Variants in DNAH17 observed in about 807,000 individuals in gnomAD.
DNAH17 encodes the protein dynein axonemal heavy chain 17.
A neutral mutation model predicts 485.6 loss-of-function variants in DNAH17; 376 were observed. The ratio of observed to expected loss-of-function variants is 0.77; its 90% confidence interval spans 0.71 to 0.84. The LOEUF is 0.84. DNAH17 is among the 40% of genes least tolerant of loss of function. The pLI is 0.00. For synonymous variants in DNAH17, 3,031 were observed against 2,405.9 expected (o/e 1.26, Z -7.60); for missense variants, 6,370 against 5,839.3 (o/e 1.09, Z -2.96).
chr17:78,543,730 A>C (rs1392614755), intron 17 of DNAH17, 127 bp downstream of exon 17: 1 of 1,438,196 alleles, frequency 7.0e-7, no homozygotes, highest in African/African-American at 1.4e-5. Context: ...CAGCCAGGTC[A>C]CAGACTTCTA....
chr17:78,450,693 T>C lies in DNAH17; in HGVS notation c.10888A>G (p.Ile3630Val), dbSNP rs977823871. ...GAGGCAGCTCTGACCTTCTCCTCGA[T>C]CTCGCTGGCTGTGTGCTTGGTGGTC... ...LETTKHTASE[I>V]EEKVVEAKIT... The change falls in exon 67 of 81, where the codon ATC becomes GTC. Residue 3630 changes from isoleucine (I) to valine (V), a missense_variant. By Grantham distance (29) the Ile-to-Val change is conservative (BLOSUM62 3). Coordinates refer to ENST00000389840, the MANE Select transcript of DNAH17 (RefSeq NM_173628.4). 3.7e-6 allele frequency: 6 copies of C among 1,613,138 alleles called. No individual in the cohort carries two copies. The highest frequency in any genetic ancestry group is 1.7e-4 in the Middle Eastern group (1 of 5,884).
chr17:78,479,209 A>G, intron 50 of DNAH17, 93 bp from the exon 51 acceptor site: 3 of 1,294,886 alleles, frequency 2.3e-6, no homozygotes, highest in East Asian at 4.9e-5. Flanking sequence ...GGACTACGAA[A>G]TGGTGACAAC....
At position 78,505,275 on chromosome 17, in the gene DNAH17, G is replaced by C; in HGVS notation, c.4956+18C>G. On this transcript the variant is annotated intron_variant, in intron 31 of 80. Transcript: ENST00000389840. Reference sequence around the variant, plus strand: ...ACCCTTGTCCTGGGTTCCCTGTGTGGTGTGCGCACACACTCACCTGCCCCG... The same window carrying C: ...ACCCTTGTCCTGGGTTCCCTGTGTGCTGTGCGCACACACTCACCTGCCCCG... 6.2e-7 allele frequency: 1 copy of C among 1,613,722 alleles called. No individual in the cohort carries two copies. The highest frequency in any genetic ancestry group is 8.5e-7 in the Non-Finnish European group (1 of 1,179,760).
chr17:78,530,208 G>T, intron 21 of DNAH17, 135 bp downstream of exon 21: 1 of 1,028,150 alleles, frequency 9.7e-7, no homozygotes, highest in Non-Finnish European at 1.4e-6. Flanking sequence ...TGGGGTAGTT[G>T]GCCTTGAAGC....
At chr17:78,504,752 G>A (rs1441632088) in intron 31 of DNAH17, among the ~76,000 whole-genome samples, 4 of 152,210 alleles carry the variant, frequency 2.6e-5, no homozygotes, top group Non-Finnish European at 4.4e-5. Context: ...GGAAGAGGCT[G>A]TGGAGACCAC....
chr17:78,542,820 T>C (rs1239267279), intron 17 of DNAH17, among the ~76,000 whole-genome samples: 1 of 152,208 alleles, frequency 6.6e-6, no homozygotes, highest in Non-Finnish European at 1.5e-5. Flanking sequence ...CTGTGCACGT[T>C]CAAATGGTCC....
intron 16 of DNAH17, among the ~76,000 whole-genome samples, chr17:78,550,041 GAC>G (rs1312154066): frequency 2.0e-5 from 3 of 152,322 alleles, no homozygotes; most frequent in Admixed American, 2.0e-4. Context: ...CACGTGCAGA[GAC>G]AGACAAGAGA....
At chr17:78,545,822 A>G (rs2091745604) in intron 16 of DNAH17, among the ~76,000 whole-genome samples, 1 of 152,158 alleles carries the variant, frequency 6.6e-6, no homozygotes, top group Admixed American at 6.5e-5. Context: ...ACATTTTAGG[A>G]CAACTATAAT....
At chr17:78,575,906 T>C (rs2092426886) in intron 1 of DNAH17, among the ~76,000 whole-genome samples, 1 of 152,174 alleles carries the variant, frequency 6.6e-6, no homozygotes, top group Admixed American at 6.5e-5. Context: ...AAGTTTCAAA[T>C]AAAGACAGGC....
rs566867378 is a variant in DNAH17 at position 78,458,770 on chromosome 17, T to C, written c.9862-90A>G. 2.3e-3 allele frequency: 2,867 copies of C among 1,274,200 alleles called. 9 individuals carry two copies. Among genetic ancestry groups the C allele is most frequent in the Admixed American group, 3.2e-3 (181 of 56,614 alleles). 78.9% of individuals were successfully genotyped at this position (1,274,200 alleles called of 1,614,324 possible). A position where few individuals can be genotyped will look rare whatever the true frequency, so the allele number is the denominator to read the frequency against. ...CAGCAGGGCTGGGCCCTGTGAGCGC[T>C]GAGCGTGGAAGAGGCTCCCACAAAG... On this transcript the variant is annotated intron_variant, in intron 61 of 80. Coordinates refer to ENST00000389840, the MANE Select transcript of DNAH17 (RefSeq NM_173628.4).
rs779170727 is a variant in DNAH17 at position 78,526,922 on chromosome 17, G to A, written c.3582C>T (p.Ala1194=). The A allele has an allele frequency of 1.3e-6, 2 of 1,585,548 alleles. No homozygotes were observed. Among genetic ancestry groups the A allele is most frequent in the East Asian group, 4.6e-5 (2 of 43,592 alleles). Reference sequence around the variant, plus strand: ...TCCGCCGCAGGATGCTGACCTCGTTGGCCTGGAGTGGTGCCACGGTCAGCT... The same window carrying A: ...TCCGCCGCAGGATGCTGACCTCGTTAGCCTGGAGTGGTGCCACGGTCAGCT... ...QVKLTVAPLQ[A]NEVSILRRKC... is the part of the protein sequence containing the mutation. Residue 1194 remains alanine (A), a synonymous_variant, in exon 23 of 81, where the codon GCC becomes GCT. Coordinates refer to ENST00000389840, the MANE Select transcript of DNAH17 (RefSeq NM_173628.4).
At chr17:78,447,660 A>T (rs78805314) in intron 69 of DNAH17, among the ~76,000 whole-genome samples, 2,026 of 152,176 alleles carry the variant, frequency 0.013, 43 homozygotes, top group African/African-American at 0.043. Flanking sequence ...GCACTGAGGA[A>T]CTCTTATCCT....
chr17:78,451,511 G>T lies in DNAH17; in HGVS notation c.10692C>A (p.Ala3564=). 2 of 1,613,654 alleles carry T rather than the reference G, an allele frequency of 1.2e-6. No homozygotes were observed. The highest frequency in any genetic ancestry group is 1.7e-6 in the Non-Finnish European group (2 of 1,179,724). Residue 3564 remains alanine, a synonymous_variant, in exon 66 of 81, where the codon GCC becomes GCA. Coordinates refer to ENST00000389840, the MANE Select transcript of DNAH17 (RefSeq NM_173628.4). ...CTGGGCGCTCTTTGGCCACCACAGC[G>T]GCCAAGAGTTGGTCCTCGAGTCCAT... is the stretch of plus-strand genomic sequence containing the variant. ...TRDGLEDQLL[A]AVVAKERPDL...
At chr17:78,473,668 CGCTGAGGCTGAG>C (rs142944660) in intron 54 of DNAH17, among the ~76,000 whole-genome samples, 49 of 151,920 alleles carry the variant, frequency 3.2e-4, no homozygotes, top group African/African-American at 1.0e-3. Flanking sequence ...AAAATAGTAC[CGCTGAGGCTGAG>C]GCTGAGGCTG....
intron 66 of DNAH17, 116 bp from the exon 67 acceptor site, chr17:78,450,962 G>A (rs1193118523): frequency 4.5e-6 from 6 of 1,322,620 alleles, no homozygotes; most frequent in African/African-American, 1.5e-5. Context: ...CGGGAGGAAC[G>A]AGCTCAGGTC....
rs375551615 is a variant in DNAH17 at position 78,560,825 on chromosome 17, T to C, written c.1946A>G (p.Asp649Gly). The change falls in exon 13 of 81, where the codon GAC (aspartate) becomes GGC (glycine). Residue 649 changes from aspartate (D) to glycine (G), a missense_variant. Coordinates refer to ENST00000389840, the MANE Select transcript of DNAH17 (RefSeq NM_173628.4). ...CCCCAGGTTAAAGTGGCAGTCCTGG[T>C]CCACGCCCGCCACCCACTGCTGGTA... ...KIYQQWVAGV[D>G]QDCHFNLGQP... 1 of 1,551,640 alleles carries C rather than the reference T, an allele frequency of 6.4e-7. No homozygotes were observed. The highest frequency in any genetic ancestry group is 8.7e-7 in the Non-Finnish European group (1 of 1,147,112).
intron 68 of DNAH17, 23 bp downstream of exon 68, chr17:78,450,231 C>T: frequency 6.2e-7 from 1 of 1,612,640 alleles, no homozygotes; most frequent in Non-Finnish European, 8.5e-7. Context: ...AGGGAGGCAC[C>T]CAGCCCCAGC....
intron 54 of DNAH17, among the ~76,000 whole-genome samples, chr17:78,469,770 A>G (rs1337993790): frequency 2.0e-5 from 3 of 152,386 alleles, no homozygotes; most frequent in African/African-American, 2.4e-5. Flanking sequence ...GACACGTGCT[A>G]TAGCACGGAC....
intron 19 of DNAH17, among the ~76,000 whole-genome samples, chr17:78,533,885 C>T (rs994290931): frequency 6.6e-6 from 1 of 152,030 alleles, no homozygotes; most frequent in African/African-American, 2.4e-5. Flanking sequence ...GGGGTTTCAC[C>T]GTGTTGGTCA....
Sources: gnomAD v4.1 joint callset for allele counts (sites outside exome capture counted in the v4.1 genomes callset) on GRCh38, gnomAD v4.1.1 for gene constraint, MANE v1.5 for transcripts, NCBI Gene and HGNC (gene_info 2026-07-23, HGNC 2026-07-21) for gene names.